The following SPPL2B variants were observed in gnomAD, a reference collection of about 807,000 sequenced individuals.
SPPL2B encodes the protein signal peptide peptidase-like 2B.
In SPPL2B, 39 loss-of-function variants were observed where a neutral mutation model predicts 59.7. That is an observed-to-expected ratio of 0.65 (90% CI 0.51 to 0.85). The LOEUF (loss-of-function observed/expected upper bound fraction) is 0.85. Ranked by LOEUF, SPPL2B falls within the 40% of genes least tolerant of loss-of-function variation. SPPL2B has a pLI of 0.00. For missense variants in SPPL2B, 865 were observed against 849.0 expected (o/e 1.02, Z -0.23); for synonymous variants, 419 against 370.8 (o/e 1.13, Z -1.49).
chr19:2,338,817 C>G lies in SPPL2B; in HGVS notation c.435C>G (p.Tyr145Ter). The change falls in exon 4 of 15, where the codon TAC becomes TAG. Residue 145 changes from tyrosine (Y) to a stop codon, truncating the protein, a stop_gained. Coordinates refer to ENST00000613503, the MANE Select transcript of SPPL2B (RefSeq NM_152988.3). LOFTEE classifies it high-confidence loss of function. ...EIGIPVALLS[Y>*]KDMLDIFTRF... ...GCATTCCCGTGGCCCTGCTCAGCTA[C>G]AAAGACATGCTGGACATCTTCACGG... 1 of 1,613,610 alleles carries G rather than the reference C, an allele frequency of 6.2e-7. No individual in the cohort carries two copies. The highest frequency in any genetic ancestry group is 8.5e-7 in the Non-Finnish European group (1 of 1,179,682).
At chr19:2,335,433 C>T (rs1278011366) in intron 2 of SPPL2B, among the ~76,000 whole-genome samples, 2 of 142,426 alleles carry the variant, frequency 1.4e-5, no homozygotes, top group Non-Finnish European at 3.1e-5. Flanking sequence ...GCCTCCTTTC[C>T]CACTGCATGC....
chr19:2,351,804 C>A, intron 14 of SPPL2B: 1 of 536,450 alleles, frequency 1.9e-6, no homozygotes, highest in Admixed American at 4.3e-5. Flanking sequence ...GCGGGGGTGC[C>A]AGGTGGGGCC....
chr19:2,339,188 C>G lies in SPPL2B; in HGVS notation c.579C>G (p.Ala193=). 1 of 1,603,182 alleles carries G rather than the reference C, an allele frequency of 6.2e-7. No individual in the cohort carries two copies. Among genetic ancestry groups the G allele is most frequent in the Non-Finnish European group, 8.5e-7 (1 of 1,175,266 alleles). ...CCGTCGCCATCGGCGGCTACTGGGC[C>G]GGGAGTCGGGACGTGAAGAAGTGAG... ...VGTVAIGGYW[A]GSRDVKKRYM... is the part of the protein sequence containing the mutation. The change falls in exon 5 of 15, where the codon GCC becomes GCG. Residue 193 remains alanine (A), a synonymous_variant. Coordinates refer to ENST00000613503, the MANE Select transcript of SPPL2B (RefSeq NM_152988.3).
intron 13 of SPPL2B, among the ~76,000 whole-genome samples, chr19:2,350,500 TTC>T (rs1222221419): frequency 1.4e-4 from 21 of 150,950 alleles, no homozygotes; most frequent in African/African-American, 3.4e-4. Flanking sequence ...CTTGATTCCA[TTC>T]TCTCTCTCTC....
chr19:2,332,486 C>T lies in SPPL2B; in HGVS notation c.67-2116C>T, dbSNP rs565023835. Among the ~76,000 whole-genome samples the T allele has an allele frequency of 1.3e-5, 2 of 152,322 alleles. No individual in the cohort carries two copies. The highest frequency in any genetic ancestry group is 1.9e-4 in the East Asian group (1 of 5,184). ...CGTTGTGGTGTCGGCCCGTTTGGTG[C>T]GCAGCTCAGCATCCGTTCAGACATG... On this transcript the variant is annotated intron_variant, in intron 1 of 14. Transcript: ENST00000613503. This position sits in a 1 kb window ranked among gnomAD's most constrained non-coding sequence, Gnocchi z 4.6.
intron 2 of SPPL2B, 41 bp downstream of exon 2, chr19:2,334,762 C>CG (rs1221766768): frequency 2.7e-6 from 4 of 1,480,234 alleles, no homozygotes; most frequent in Non-Finnish European, 2.7e-6. Flanking sequence ...GAGGAGAATG[C>CG]GGGGGCCCCG....
At chr19:2,340,862 TGG>T (rs1463331425) in intron 7 of SPPL2B, 34 bp from the exon 8 acceptor site, 1 of 1,357,634 alleles carries the variant, frequency 7.4e-7, no homozygotes, top group East Asian at 2.3e-5. Flanking sequence ...GGCCGGGAGC[TGG>T]TGGGCTTGGC....
At position 2,339,810 on chromosome 19, in the gene SPPL2B, T is replaced by C. The variant is rs1038086002; in HGVS notation, c.600-14T>C. 7.5e-6 allele frequency: 12 copies of C among 1,602,870 alleles called. No homozygotes were observed. Among genetic ancestry groups the C allele is most frequent in the Non-Finnish European group, 9.4e-6 (11 of 1,175,122 alleles). ...CCGGCCCCAGGGCCCCACGACCCCA[T>C]GGTGTCTCCCAAGAAGGTACATGAA... On this transcript the variant is annotated splice_polypyrimidine_tract_variant and intron_variant, in intron 5 of 14. Transcript: ENST00000613503.
chr19:2,337,936 GA>G (rs1397810104), intron 3 of SPPL2B: 2 of 293,466 alleles, frequency 6.8e-6, no homozygotes, highest in Non-Finnish European at 1.3e-5. Context: ...GTGGGGATGG[GA>G]TTGGGGTGGC....
Position 2,334,601 on chromosome 19 carries a change from G to T in SPPL2B, c.67-1G>T. On this transcript the variant is annotated splice_acceptor_variant, in intron 1 of 14. Transcript: ENST00000613503. LOFTEE classifies it high-confidence loss of function. ...CTCTGACTGCTGGCCTTGTCCTGCA[G>T]GTGGCCTGTGAGTACGGCATGGTGC... is the stretch of plus-strand genomic sequence containing the variant. 6.2e-7 allele frequency: 1 copy of T among 1,609,326 alleles called. No individual in the cohort carries two copies. Among genetic ancestry groups the T allele is most frequent in the Non-Finnish European group, 8.5e-7 (1 of 1,178,112 alleles).
At chr19:2,348,563 C>T (rs1464712594) in intron 13 of SPPL2B, among the ~76,000 whole-genome samples, 6 of 149,234 alleles carry the variant, frequency 4.0e-5, no homozygotes, top group East Asian at 2.0e-4. Flanking sequence ...CGCGTGATTC[C>T]GTTCTCTCTC....
Position 2,340,460 on chromosome 19 carries a change from CG to C in SPPL2B, c.839+292del, listed in dbSNP as rs534734968. The C allele has an allele frequency of 7.7e-4, 478 of 621,540 alleles. 3 individuals carry two copies. Among genetic ancestry groups the C allele is most frequent in the Middle Eastern group, 2.2e-3 (8 of 3,596 alleles). 38.5% of individuals were successfully genotyped at this position (621,540 alleles called of 1,614,324 possible). A position where few individuals can be genotyped will look rare whatever the true frequency, so the allele number is the denominator to read the frequency against. ...GAACCCTGGGTTCCCCAGGGTTCTC[CG>C]GGGAACCCAGAAGGTTCCCCACAGC... On this transcript the variant is annotated intron_variant, in intron 7 of 14. Transcript: ENST00000613503.
Position 2,332,234 on chromosome 19 carries a change from G to A in SPPL2B, c.67-2368G>A, listed in dbSNP as rs1243516326. The stretch of plus-strand genomic sequence containing the variant: ...CCGGGGCTCCGTGGGCTTTCACCAT[G>A]CTGCCACCCCGAGGTCACCAGGGCC... On this transcript the variant is annotated intron_variant, in intron 1 of 14. Transcript: ENST00000613503. The surrounding 1 kb of genome is among the most constrained non-coding windows in gnomAD (Gnocchi z 4.6). 2.0e-5 allele frequency among the ~76,000 whole-genome samples: 3 copies of A among 152,194 alleles called. No homozygotes were observed. Among genetic ancestry groups the A allele is most frequent in the Non-Finnish European group, 4.4e-5 (3 of 68,032 alleles).
intron 3 of SPPL2B, chr19:2,338,525 G>T (rs2145157009): frequency 4.0e-6 from 2 of 505,514 alleles, no homozygotes; most frequent in East Asian, 6.8e-5. Context: ...TTTTAGGCCT[G>T]GGGCCCTGTT....
chr19:2,346,754 T>C (rs1969390503), intron 13 of SPPL2B, among the ~76,000 whole-genome samples: 1 of 152,242 alleles, frequency 6.6e-6, no homozygotes, highest in African/African-American at 2.4e-5. Flanking sequence ...AAGTTGTCCC[T>C]GTAATTCCTG....
At chr19:2,335,878 G>A (rs1385848622) in intron 2 of SPPL2B, among the ~76,000 whole-genome samples, 1 of 152,260 alleles carries the variant, frequency 6.6e-6, no homozygotes, top group Non-Finnish European at 1.5e-5. Flanking sequence ...GAGCACGTGT[G>A]TAATCAGTAT....
chr19:2,344,523 G>A, intron 11 of SPPL2B, 30 bp from the exon 12 acceptor site: 2 of 1,598,082 alleles, frequency 1.3e-6, no homozygotes, highest in Non-Finnish European at 1.7e-6. Flanking sequence ...GAGGGTCCTG[G>A]AGGACATTGT....
At chr19:2,339,741 G>C in intron 5 of SPPL2B, 83 bp from the exon 6 acceptor site, 1 of 1,519,126 alleles carries the variant, frequency 6.6e-7, no homozygotes, top group South Asian at 1.2e-5. Context: ...TTTCTGCCCC[G>C]TTCCCCCGGG....
At chr19:2,342,921 G>A (rs1430770005) in intron 8 of SPPL2B, 16 of 415,886 alleles carry the variant, frequency 3.8e-5, no homozygotes, top group Non-Finnish European at 5.4e-5. Context: ...CCGAGGAGAC[G>A]CAGCCGGCCA....
Sources: allele counts gnomAD v4.1 joint callset (sites outside exome capture counted in the v4.1 genomes callset), GRCh38; gene constraint gnomAD v4.1.1; non-coding constraint Gnocchi (gnomAD v3.1); transcripts MANE v1.5; gene names NCBI Gene and HGNC (gene_info 2026-07-23, HGNC 2026-07-21).